COL18A1: variants seen among roughly 807,000 people sequenced by gnomAD.
The protein encoded by COL18A1 is collagen type XVIII alpha 1 chain, also known as collagen alpha-1(XVIII) chain.
COL18A1 carries 133 observed loss-of-function variants against 168.0 expected under a neutral mutation model. The ratio of observed to expected loss-of-function variants is 0.79; its 90% CI spans 0.69 to 0.91. COL18A1 has a LOEUF of 0.91. Among genes scored for constraint, COL18A1 ranks in the 40% least tolerant of loss-of-function variants. COL18A1 has a pLI of 0.00. For synonymous variants in COL18A1, 949 were observed against 809.0 expected (o/e 1.17, Z -2.94); for missense variants, 2,126 against 1,925.4 (o/e 1.10, Z -1.95).
rs2034434890 is a variant in COL18A1 at position 45,443,421 on chromosome 21, C to A, written c.107-24821C>A. Among the ~76,000 whole-genome samples, 1 of 152,146 alleles carries A rather than the reference C, an allele frequency of 6.6e-6. No homozygotes were observed. The highest frequency in any genetic ancestry group is 1.5e-5 in the Non-Finnish European group (1 of 68,018). Reference sequence around the variant, plus strand: ...TCACCAGCTTGAAAGGCCGCCCGTGCCTTTCCTCCTTGGCCCTCACAGCCC... The same window carrying A: ...TCACCAGCTTGAAAGGCCGCCCGTGACTTTCCTCCTTGGCCCTCACAGCCC... On this transcript the variant is annotated intron_variant, in intron 2 of 41. Coordinates refer to ENST00000651438, the MANE Select transcript of COL18A1 (RefSeq NM_001379500.1). The surrounding 1 kb of genome is among the most constrained non-coding windows in gnomAD (Gnocchi z 5.2).
intron 37 of COL18A1, 109 bp from the exon 38 acceptor site, chr21:45,507,452 G>GGCACA (rs2037282839): frequency 3.6e-6 from 3 of 835,432 alleles, no homozygotes; most frequent in Non-Finnish European, 5.8e-6. Flanking sequence ...ACCCTCCTGT[G>GGCACA]GGCTGGGAGG....
In COL18A1 at chr21:45,509,525, A is replaced by C. The variant is rs372765303; in HGVS notation, c.3419A>C (p.His1140Pro). 6.5e-7 allele frequency: 1 copy of C among 1,536,220 alleles called. No homozygotes were observed. The change falls in exon 39 of 42, where the codon CAC becomes CCC. Residue 1140 changes from histidine to proline, a missense_variant. Coordinates refer to ENST00000651438, the MANE Select transcript of COL18A1 (RefSeq NM_001379500.1). ...CAGCCCTACCCCGGAGCCCCGCACCACAGCTCCTACGTGCACCTGCGGCCG... is the reference window on the plus strand; with the variant it reads ...CAGCCCTACCCCGGAGCCCCGCACCCCAGCTCCTACGTGCACCTGCGGCCG... ...EPQPYPGAPH[H>P]SSYVHLRPAR...
chr21:45,479,601 C>CCCCA (rs1555861912), intron 9 of COL18A1, among the ~76,000 whole-genome samples: 12 of 140,844 alleles, frequency 8.5e-5, no homozygotes, highest in African/African-American at 3.3e-4. Context: ...ACCATGCATA[C>CCCCA]CACACACACA....
At chr21:45,508,808 T>C (rs1471100209) in intron 38 of COL18A1, among the ~76,000 whole-genome samples, 1 of 152,134 alleles carries the variant, frequency 6.6e-6, no homozygotes, top group Non-Finnish European at 1.5e-5. Context: ...ACACACAGCC[T>C]GGCCCTGTGG....
At chr21:45,458,471 C>T (rs1033073547) in intron 2 of COL18A1, among the ~76,000 whole-genome samples, 4 of 152,090 alleles carry the variant, frequency 2.6e-5, no homozygotes, top group Admixed American at 2.6e-4. Flanking sequence ...GGGCAGCTGG[C>T]ACTGCCACAA....
intron 38 of COL18A1, among the ~76,000 whole-genome samples, chr21:45,509,024 G>T (rs932014890): frequency 6.6e-6 from 1 of 152,124 alleles, no homozygotes. Flanking sequence ...AAGGTCGAAG[G>T]TCGCCGTGTT....
At chr21:45,455,340 C>A in intron 2 of COL18A1, 1 of 734,868 alleles carries the variant, frequency 1.4e-6, no homozygotes, top group East Asian at 2.7e-5. Context: ...GGTGCTGGAA[C>A]CCCCGGGTGC....
In COL18A1 at chr21:45,509,367, G is replaced by T; in HGVS notation, c.3261G>T (p.Val1087=). 6.5e-7 allele frequency: 1 copy of T among 1,545,466 alleles called. No individual in the cohort carries two copies. The change falls in exon 39 of 42, where the codon GTG becomes GTT. Residue 1087 remains valine, a synonymous_variant. Transcript: ENST00000651438. ...TCTCCCACCTGCAGGACAATGAAGT[G>T]GCCGCCTTGCAGCCCCCCGTGGTGC... is the stretch of plus-strand genomic sequence containing the variant. ...TPLPRGTDNE[V]AALQPPVVQL...
At chr21:45,480,676 C>G in intron 12 of COL18A1, 24 bp from the exon 13 acceptor site, 1 of 1,610,986 alleles carries the variant, frequency 6.2e-7, no homozygotes, top group South Asian at 1.1e-5. Context: ...TGGGCTGTGA[C>G]TATCTGTGTT....
Position 45,503,909 on chromosome 21 carries a change from T to G in COL18A1, c.2684-102T>G, listed in dbSNP as rs1313023783. On this transcript the variant is annotated intron_variant, in intron 32 of 41. Coordinates refer to ENST00000651438, the MANE Select transcript of COL18A1 (RefSeq NM_001379500.1). ...TACGCGATCTCTACCGCGAAATGGC[T>G]AGAAGGGCCTCAGGCAAACCCACCA... 10 of 1,231,298 alleles carry G rather than the reference T, an allele frequency of 8.1e-6. No homozygotes were observed. In the East Asian group the frequency reaches 2.3e-4, roughly 29 times the overall value. The allele number at this position is 1,231,298 out of a possible 1,614,324, so 76.3% of individuals were successfully genotyped here.
In COL18A1 at chr21:45,405,182, C is replaced by G; in HGVS notation, c.-49C>G. On this transcript the variant is annotated 5_prime_UTR_variant, in exon 1 of 42. Transcript: ENST00000651438. The stretch of plus-strand genomic sequence containing the variant: ...AGCGCGGCGGTCCGAGCGGGTGCAC[C>G]GCGGCGGAGGAGGCAGCATCCCGCG... The G allele has an allele frequency of 4.0e-6, 1 of 248,562 alleles. No homozygotes were observed. Among genetic ancestry groups the G allele is most frequent in the Non-Finnish European group, 7.4e-6 (1 of 135,860 alleles). The allele number at this position is 248,562 out of a possible 1,614,324, so 15.4% of individuals were successfully genotyped here. A position where few individuals can be genotyped will look rare whatever the true frequency, so the allele number is the denominator to read the frequency against.
At position 45,468,470 on chromosome 21, in the gene COL18A1, C is replaced by G; in HGVS notation, c.335C>G (p.Thr112Arg). ...GGCCCAGGGGTGCTGTTCGCCATCACGGACTCGGCGCAGGCCATGGTCTTG... is the reference window on the plus strand; with the variant it reads ...GGCCCAGGGGTGCTGTTCGCCATCAGGGACTCGGCGCAGGCCATGGTCTTG... The part of the protein sequence containing the change: ...TEGPGVLFAI[T>R]DSAQAMVLLG... Residue 112 changes from threonine (T) to arginine (R), a missense_variant, in exon 3 of 42, where the codon ACG becomes AGG. Transcript: ENST00000651438. The G allele has an allele frequency of 6.2e-7, 1 of 1,614,096 alleles. No homozygotes were observed. The highest frequency in any genetic ancestry group is 8.5e-7 in the Non-Finnish European group (1 of 1,180,034).
Position 45,502,062 on chromosome 21 carries a change from C to A in COL18A1, c.2684-1949C>A, listed in dbSNP as rs192523251. The stretch of plus-strand genomic sequence containing the variant: ...GGGGCCTCCGCAGCCGGTCACCTCC[C>A]TCTGCCGAAGGACCCCCAGGGGCTC... On this transcript the variant is annotated intron_variant, in intron 32 of 41. Transcript: ENST00000651438. 5.6e-3 allele frequency among the ~76,000 whole-genome samples: 586 copies of A among 105,336 alleles called. 48 individuals are homozygous for A. The highest frequency in any genetic ancestry group is 0.024 in the African/African-American group (543 of 22,204). The allele number at this position is 105,336 out of a possible 152,430, so 69.1% of individuals were successfully genotyped here.
rs528696974 is a variant in COL18A1, at chr21:45,505,937, C to T, written c.3187C>T (p.Arg1063Cys). ...FVAEQEELYV[R>C]VQNGFRKVQL... ...GGCCGAGCAGGAGGAGCTCTACGTC[C>T]GCGTGCAGAACGGGTTCCGGAAGGT... is the stretch of plus-strand genomic sequence containing the variant. The change falls in exon 37 of 42, where the codon CGC becomes TGC. Residue 1063 changes from arginine (R) to cysteine (C), a missense_variant. Coordinates refer to ENST00000651438, the MANE Select transcript of COL18A1 (RefSeq NM_001379500.1). The T allele has an allele frequency of 1.9e-4, 309 of 1,613,230 alleles. 2 individuals are homozygous for T. In the South Asian group the frequency reaches 2.8e-3, roughly 15 times the overall value.
chr21:45,418,056 C>T (rs1270650619), intron 2 of COL18A1, among the ~76,000 whole-genome samples: 2 of 152,230 alleles, frequency 1.3e-5, no homozygotes, highest in East Asian at 1.9e-4. Context: ...GTGCCGCCCC[C>T]GGAGCGCTGG....
intron 2 of COL18A1, among the ~76,000 whole-genome samples, chr21:45,418,956 T>C (rs1209008792): frequency 6.6e-6 from 1 of 152,182 alleles, no homozygotes; most frequent in Non-Finnish European, 1.5e-5. Flanking sequence ...GGGCAGACAG[T>C]GCCATAGTCT....
intron 2 of COL18A1, among the ~76,000 whole-genome samples, chr21:45,465,772 TG>T (rs113704701): frequency 0.029 from 4,421 of 152,242 alleles, 226 homozygotes; most frequent in African/African-American, 0.1. Flanking sequence ...GGGCTGGTTC[TG>T]GGGAGTGTCT....
intron 15 of COL18A1, among the ~76,000 whole-genome samples, chr21:45,484,168 A>G (rs111167534): frequency 0.25 from 28,072 of 113,666 alleles, 5,280 homozygotes; most frequent in African/African-American, 0.27. Context: ...GCATATGTAC[A>G]CGCGCACACA....
chr21:45,492,156 C>T lies in COL18A1; in HGVS notation c.2158-379C>T, dbSNP rs186730004. ...GCTTTGCTAGGAGCAGGCAGACAGG[C>T]ATCGGGAGGCAGGGGCAGCCCGAGA... On this transcript the variant is annotated intron_variant, in intron 22 of 41. Coordinates refer to ENST00000651438, the MANE Select transcript of COL18A1 (RefSeq NM_001379500.1). 6.3e-3 allele frequency among the ~76,000 whole-genome samples: 958 copies of T among 152,312 alleles called. 4 individuals are homozygous for T. Among genetic ancestry groups the T allele is most frequent in the Non-Finnish European group, 8.2e-3 (557 of 68,020 alleles).
Sources: gnomAD v4.1 joint callset for allele counts (sites outside exome capture counted in the v4.1 genomes callset) on GRCh38, gnomAD v4.1.1 for gene constraint, Gnocchi (gnomAD v3.1) non-coding constraint, MANE v1.5 for transcripts, NCBI Gene and HGNC (gene_info 2026-07-23, HGNC 2026-07-21) for gene names.